SORT1: variants seen among roughly 807,000 people sequenced by gnomAD.
The protein encoded by SORT1 is sortilin 1.
SORT1 carries 39 observed loss-of-function variants against 101.7 expected under a neutral mutation model. The ratio of observed to expected loss-of-function variants is 0.38; its 90% CI spans 0.30 to 0.50. SORT1 has a LOEUF of 0.50. SORT1 is among the 20% of genes least tolerant of loss of function. SORT1 has a pLI of 0.90. For missense variants in SORT1, 878 were observed against 1,040.4 expected, an observed-to-expected ratio of 0.84 and a Z score of 2.15; for synonymous variants, 396 against 393.7, an observed-to-expected ratio of 1.01 and a Z score of -0.07.
At chr1:109,318,891 C>T (rs539894034) in intron 15 of SORT1, among the ~76,000 whole-genome samples, 4 of 152,232 alleles carry the variant, frequency 2.6e-5, no homozygotes, top group East Asian at 3.9e-4. Flanking sequence ...GTGATCTGTC[C>T]ACCTCAGCCT....
At position 109,354,478 on chromosome 1, in the gene SORT1, T is replaced by C. The variant is rs72646560; in HGVS notation, c.597A>G (p.Arg199=). Residue 199 remains arginine (R), a synonymous_variant, in exon 5 of 20, where the codon AGA becomes AGG. Coordinates refer to ENST00000256637, the MANE Select transcript of SORT1 (RefSeq NM_002959.7). The stretch of plus-strand genomic sequence containing the variant: ...CAAAATTCTTCGCAAAATCTGATGA[T>C]CTAAAGATTCTTCCTCCACGACTTC... ...SGGSRGGRIF[R]SSDFAKNFVQ... 86,824 of 1,613,414 alleles carry C rather than the reference T, an allele frequency of 0.054. 2,705 individuals carry two copies. The highest frequency in any genetic ancestry group is 0.059 in the Non-Finnish European group (69,056 of 1,179,414).
At position 109,342,025 on chromosome 1, in the gene SORT1, T is replaced by C. The variant is rs1649261388; in HGVS notation, c.1097A>G (p.Asp366Gly). ...ANDDMVFMHV[D>G]EPGDTGFGTI... ...TAAAAAGCTCTTACCTCCAGGTTCATCTACATGCATGAATACCATGTCATC... is the reference window on the plus strand; with the variant it reads ...TAAAAAGCTCTTACCTCCAGGTTCACCTACATGCATGAATACCATGTCATC... Residue 366 changes from aspartate (D) to glycine (G), a missense_variant, in exon 9 of 20, where the codon GAT (aspartate) becomes GGT (glycine). Around this residue, in one of 2 missense-constraint regions of SORT1, gnomAD observed 684 missense variants for 894.5 expected, o/e 0.76. Transcript: ENST00000256637. 1 of 1,613,710 alleles carries C rather than the reference T, an allele frequency of 6.2e-7. No homozygotes were observed. Among genetic ancestry groups the C allele is most frequent in the East Asian group, 2.2e-5 (1 of 44,882 alleles).
At chr1:109,365,155 A>G (rs192314313) in intron 3 of SORT1, among the ~76,000 whole-genome samples, 1 of 152,242 alleles carries the variant, frequency 6.6e-6, no homozygotes, top group Non-Finnish European at 1.5e-5. Flanking sequence ...TAAAATTTTC[A>G]AATGTCCTAT....
Position 109,327,586 on chromosome 1 carries a change from G to C in SORT1, c.1387C>G (p.His463Asp). Residue 463 changes from histidine (H) to aspartate (D), a missense_variant, in exon 12 of 20, where the codon CAT (histidine) becomes GAT (aspartate). Transcript: ENST00000256637. ...KNKNECSLHI[H>D]ASYSISQKLN... The stretch of plus-strand genomic sequence containing the variant: ...TTCTGGGAGATGCTGTAGGAAGCAT[G>C]AATATGAAGGCTGCACTGTGAAAAG... 1.2e-6 allele frequency: 2 copies of C among 1,605,712 alleles called. No homozygotes were observed. Among genetic ancestry groups the C allele is most frequent in the Non-Finnish European group, 1.7e-6 (2 of 1,175,526 alleles).
chr1:109,392,357 GTGCAGAAGAAAC>G (rs1471336363), intron 1 of SORT1, among the ~76,000 whole-genome samples: 5 of 152,188 alleles, frequency 3.3e-5, no homozygotes, highest in African/African-American at 1.2e-4. Flanking sequence ...AACTGGCAGA[GTGCAGAAGAAAC>G]TGCTAATAGT....
intron 1 of SORT1, among the ~76,000 whole-genome samples, chr1:109,392,279 A>T (rs1434538994): frequency 1.3e-5 from 2 of 152,180 alleles, no homozygotes; most frequent in African/African-American, 4.8e-5. Context: ...ACTGGGACAA[A>T]GTTGGGGAAC....
chr1:109,367,535 T>C (rs776396394), intron 2 of SORT1, 54 bp from the exon 3 acceptor site: 43 of 1,146,758 alleles, frequency 3.7e-5, no homozygotes, highest in African/African-American at 6.1e-5. Flanking sequence ...AATCACATGC[T>C]GATATGTGTT....
rs1658668879 is a variant in SORT1, at chr1:109,310,620, AATATAGGG to A, written c.*3415_*3422del. On this transcript the variant is annotated 3_prime_UTR_variant, in exon 20 of 20. Transcript: ENST00000256637. ...TTAGCACTTCCAAGTATCCTGGATG[AATATAGGG>A]GCGAGGGGCTACACTGACAATGAGC... 1 of 153,288 alleles carries A rather than the reference AATATAGGG, an allele frequency of 6.5e-6. No individual in the cohort carries two copies. The highest frequency in any genetic ancestry group is 1.5e-5 in the Non-Finnish European group (1 of 68,046). The allele number at this position is 153,288 out of a possible 1,614,324, so 9.5% of individuals were successfully genotyped here. A position where few individuals can be genotyped will look rare whatever the true frequency, so the allele number is the denominator to read the frequency against.
intron 1 of SORT1, among the ~76,000 whole-genome samples, chr1:109,377,376 T>C (rs148678113): frequency 1.7e-3 from 264 of 152,192 alleles, no homozygotes; most frequent in African/African-American, 6.3e-3. Context: ...TTCTTAGTAT[T>C]TTTTTTAACT....
rs144976402 is a variant in SORT1, at chr1:109,387,503, TAAATTTTGTTTAAAATTTA to T, written c.306+10065_306+10083del. Among the ~76,000 whole-genome samples the T allele has an allele frequency of 5.3e-3, 808 of 152,252 alleles. 10 individuals carry two copies. Among genetic ancestry groups the T allele is most frequent in the African/African-American group, 0.018 (745 of 41,550 alleles). ...GTAAAGACCATGTCTCTTAAATTTT[TAAATTTTGTTTAAAATTTA>T]AAATTTTGTTTTAAAACAAAACAAA... On this transcript the variant is annotated intron_variant, in intron 1 of 19. Transcript: ENST00000256637.
At position 109,340,706 on chromosome 1, in the gene SORT1, T is replaced by C; in HGVS notation, c.1264+18A>G. On this transcript the variant is annotated intron_variant, in intron 10 of 19. Transcript: ENST00000256637. ...TGCAGCTGAAGGCACAGTACACCAC[T>C]GCGATGCCGAGACTCACCTTCGGAG... 6.2e-7 allele frequency: 1 copy of C among 1,613,786 alleles called. No individual in the cohort carries two copies. The highest frequency in any genetic ancestry group is 8.5e-7 in the Non-Finnish European group (1 of 1,179,834).
At chr1:109,329,318 A>G (rs564273483) in intron 11 of SORT1, among the ~76,000 whole-genome samples, 2 of 152,264 alleles carry the variant, frequency 1.3e-5, no homozygotes, top group East Asian at 3.9e-4. Context: ...CGGTGGTGCC[A>G]TCTCAGCTCA....
chr1:109,369,861 A>T (rs1651377449), intron 1 of SORT1, among the ~76,000 whole-genome samples: 1 of 152,222 alleles, frequency 6.6e-6, no homozygotes, highest in Admixed American at 6.5e-5. Context: ...GGGAGATGGG[A>T]CAATCTAATT....
At chr1:109,359,781 T>G (rs1330575281) in intron 3 of SORT1, among the ~76,000 whole-genome samples, 2 of 152,222 alleles carry the variant, frequency 1.3e-5, no homozygotes, top group Admixed American at 1.3e-4. Context: ...ATTACAGGCA[T>G]GAGTTACCGC....
At chr1:109,382,563 T>C (rs1326712974) in intron 1 of SORT1, among the ~76,000 whole-genome samples, 1 of 152,206 alleles carries the variant, frequency 6.6e-6, no homozygotes, top group African/African-American at 2.4e-5. Flanking sequence ...AAGGTAGACC[T>C]CCTAATATCA....
chr1:109,320,021 C>G (rs1395584723), intron 15 of SORT1, among the ~76,000 whole-genome samples: 1 of 152,174 alleles, frequency 6.6e-6, no homozygotes, highest in Non-Finnish European at 1.5e-5. Context: ...CCAACCTTGG[C>G]ATTGGTAAAG....
At chr1:109,359,629 A>G (rs1557809261) in intron 3 of SORT1, among the ~76,000 whole-genome samples, 2 of 152,048 alleles carry the variant, frequency 1.3e-5, no homozygotes, top group Admixed American at 6.5e-5. Context: ...CCTCCCAAGT[A>G]GCTGGGATTA....
chr1:109,312,413 C>G lies in SORT1; in HGVS notation c.*1630G>C, dbSNP rs1216790826. 1 of 152,472 alleles carries G rather than the reference C, an allele frequency of 6.6e-6. No homozygotes were observed. The highest frequency in any genetic ancestry group is 1.9e-4 in the East Asian group (1 of 5,194). 9.4% of individuals were successfully genotyped at this position (152,472 alleles called of 1,614,324 possible). On this transcript the variant is annotated 3_prime_UTR_variant, in exon 20 of 20. Transcript: ENST00000256637. ...TAACATCTCTAAAAGTCTCCATCCA[C>G]TCTCTCCCCCACTTTCCACGCAGCT...
intron 3 of SORT1, among the ~76,000 whole-genome samples, chr1:109,365,961 C>CTTG (rs1651059700): frequency 6.6e-6 from 1 of 152,168 alleles, no homozygotes; most frequent in Non-Finnish European, 1.5e-5. Context: ...CCAAGAACAG[C>CTTG]AGTCAAATAA....
Sources: gnomAD v4.1 joint callset for allele counts (sites outside exome capture counted in the v4.1 genomes callset) on GRCh38, gnomAD v4.1.1 for gene constraint, gnomAD v4.1.1 regional missense constraint, MANE v1.5 for transcripts, NCBI Gene and HGNC (gene_info 2026-07-23, HGNC 2026-07-21) for gene names.